KCNIP1: variants seen among roughly 807,000 people sequenced by gnomAD.
KCNIP1 encodes the protein potassium voltage-gated channel interacting protein 1.
KCNIP1 carries 18 observed loss-of-function variants against 33.0 expected under a neutral mutation model. That is an observed-to-expected ratio of 0.55 (90% CI 0.38 to 0.81). The LOEUF is 0.81. KCNIP1 is among the 30% of genes least tolerant of loss of function. The pLI is 0.00. For synonymous variants in KCNIP1, 93 were observed against 98.3 expected (o/e 0.95, Z 0.32); for missense variants, 238 against 271.6 (o/e 0.88, Z 0.87).
At chr5:170,576,809 T>C (rs1484852380) in intron 1 of KCNIP1, among the ~76,000 whole-genome samples, 7 of 152,262 alleles carry the variant, frequency 4.6e-5, no homozygotes, top group Admixed American at 3.3e-4. Context: ...CTGGACTGAC[T>C]CAAAATGGCA....
intron 1 of KCNIP1, among the ~76,000 whole-genome samples, chr5:170,640,868 T>G (rs545050227): frequency 6.6e-5 from 10 of 152,252 alleles, no homozygotes; most frequent in Admixed American, 5.2e-4. Flanking sequence ...CAGAATCGAC[T>G]CCTCTGCTTC....
At chr5:170,499,421 C>T (rs1221306602), upstream of KCNIP1, among the ~76,000 whole-genome samples, 1 of 152,216 alleles carries the variant, frequency 6.6e-6, no homozygotes, top group African/African-American at 2.4e-5. Flanking sequence ...CATCATGTCA[C>T]CAATCCCTCA....
At chr5:170,449,316 C>G (rs907098028) in intron 1 of KCNIP1, among the ~76,000 whole-genome samples, 1 of 152,226 alleles carries the variant, frequency 6.6e-6, no homozygotes, top group Non-Finnish European at 1.5e-5. Context: ...AGCTCTTTGT[C>G]CCAACTCCTG....
chr5:170,642,628 A>C (rs990077749), intron 1 of KCNIP1, among the ~76,000 whole-genome samples: 1 of 152,162 alleles, frequency 6.6e-6, no homozygotes, highest in Non-Finnish European at 1.5e-5. Context: ...AGATGCGGGG[A>C]ATCTGGAAGG....
intron 1 of KCNIP1, among the ~76,000 whole-genome samples, chr5:170,411,054 C>T (rs1442545892): frequency 6.6e-6 from 1 of 152,224 alleles, no homozygotes; most frequent in East Asian, 1.9e-4. Context: ...GTTGCAGACC[C>T]TCCCAGGTAC....
chr5:170,499,437 A>G (rs1391274079), upstream of KCNIP1, among the ~76,000 whole-genome samples: 3 of 152,254 alleles, frequency 2.0e-5, no homozygotes, highest in Admixed American at 2.0e-4. Flanking sequence ...CCTCACAGCA[A>G]CACTACCACT....
rs1203335438 is a variant in KCNIP1, at chr5:170,551,949, T to C, written c.61+47316T>C. On this transcript the variant is annotated intron_variant, in intron 1 of 7. Coordinates refer to ENST00000328939, the MANE Select transcript of KCNIP1 (RefSeq NM_014592.4). ...ACGTATGAATGTGAGTGTGCATGTG[T>C]GTCTGAGTGTGTGTATGTGTTTGAG... Among the ~76,000 whole-genome samples the C allele has an allele frequency of 2.6e-5, 4 of 151,406 alleles. No homozygotes were observed. In the South Asian group the frequency reaches 6.3e-4, roughly 24 times the overall value.
intron 1 of KCNIP1, among the ~76,000 whole-genome samples, chr5:170,417,854 C>T (rs182791094): frequency 6.6e-6 from 1 of 152,168 alleles, no homozygotes; most frequent in African/African-American, 2.4e-5. Flanking sequence ...AATAAAATGA[C>T]TCTCCAATTC....
At chr5:170,381,166 TG>T (rs1764223702) in intron 1 of KCNIP1, among the ~76,000 whole-genome samples, 1 of 152,164 alleles carries the variant, frequency 6.6e-6, no homozygotes, top group Non-Finnish European at 1.5e-5. Context: ...TGGGCCTGTT[TG>T]GCAAGACACT....
chr5:170,675,569 C>T (rs1050737116), intron 1 of KCNIP1, among the ~76,000 whole-genome samples: 14 of 152,108 alleles, frequency 9.2e-5, no homozygotes, highest in Non-Finnish European at 1.0e-4. Context: ...TGCAGTGAGC[C>T]GAGATTGTGC....
rs572512121 is a variant in KCNIP1 at position 170,702,103 on chromosome 5, T to C, written c.62-16655T>C. Among the ~76,000 whole-genome samples the C allele has an allele frequency of 2.6e-5, 4 of 152,334 alleles. No individual in the cohort carries two copies. In the East Asian group the frequency reaches 7.7e-4, roughly 29 times the overall value. ...CAGTGCCTCCCATGACCCATGTCTC[T>C]CCAGTCCCATAACTCTGCTCTATTT... On this transcript the variant is annotated intron_variant, in intron 1 of 7. Transcript: ENST00000328939.
At chr5:170,554,778 T>G (rs1756782053) in intron 1 of KCNIP1, among the ~76,000 whole-genome samples, 1 of 152,184 alleles carries the variant, frequency 6.6e-6, no homozygotes, top group Non-Finnish European at 1.5e-5. Flanking sequence ...TTCCTGTATG[T>G]GTCATGCTCT....
At chr5:170,428,030 A>T (rs1393086254) in intron 1 of KCNIP1, among the ~76,000 whole-genome samples, 1 of 152,180 alleles carries the variant, frequency 6.6e-6, no homozygotes, top group Non-Finnish European at 1.5e-5. Flanking sequence ...GTGAGCTCCT[A>T]TTCATACTTC....
chr5:170,560,645 T>G (rs1757005273), intron 1 of KCNIP1, among the ~76,000 whole-genome samples: 1 of 152,158 alleles, frequency 6.6e-6, no homozygotes, highest in Non-Finnish European at 1.5e-5. Context: ...CAGACCTATC[T>G]AGAAAGAAAC....
intron 1 of KCNIP1, among the ~76,000 whole-genome samples, chr5:170,524,095 C>T (rs1449167487): frequency 6.6e-6 from 1 of 152,182 alleles, no homozygotes; most frequent in African/African-American, 2.4e-5. Context: ...CACCCTCATC[C>T]CCTGGGGACC....
intron 1 of KCNIP1, among the ~76,000 whole-genome samples, chr5:170,706,057 T>C (rs1018969018): frequency 6.6e-6 from 1 of 152,216 alleles, no homozygotes; most frequent in Admixed American, 6.5e-5. Context: ...ACTATTACCA[T>C]GCTCTCTGAG....
chr5:170,538,149 G>A (rs542957122), intron 1 of KCNIP1, among the ~76,000 whole-genome samples: 1 of 152,304 alleles, frequency 6.6e-6, no homozygotes, highest in Admixed American at 6.5e-5. Context: ...TAAGCCTAGA[G>A]CCCTTAATGA....
At chr5:170,570,687 G>A (rs1252635857) in intron 1 of KCNIP1, among the ~76,000 whole-genome samples, 3 of 152,244 alleles carry the variant, frequency 2.0e-5, no homozygotes, top group African/African-American at 7.2e-5. Context: ...GCCAGGCGGC[G>A]GGTCAGCATT....
chr5:170,569,753 T>C (rs1182673900), intron 1 of KCNIP1, among the ~76,000 whole-genome samples: 4 of 152,100 alleles, frequency 2.6e-5, no homozygotes, highest in Non-Finnish European at 5.9e-5. Flanking sequence ...CTAATTTTTT[T>C]TTTTTAAAGA....
Sources: gnomAD v4.1 joint callset for allele counts (sites outside exome capture counted in the v4.1 genomes callset) on GRCh38, gnomAD v4.1.1 for gene constraint, MANE v1.5 for transcripts, NCBI Gene and HGNC (gene_info 2026-07-23, HGNC 2026-07-21) for gene names.